The following RFTN2 variants were observed in gnomAD, a reference collection of about 807,000 sequenced individuals.
RFTN2 encodes the protein raftlin-2.
In RFTN2, 34 loss-of-function variants were observed where a neutral mutation model predicts 52.7. That is an observed-to-expected ratio of 0.64 (90% CI 0.49 to 0.86). The LOEUF (loss-of-function observed/expected upper bound fraction) is 0.86, where lower values mean the gene tolerates loss of function less well. Ranked by LOEUF, RFTN2 falls within the 40% of genes least tolerant of loss-of-function variation. The probability of loss-of-function intolerance (pLI) is 0.00; values close to 1 mark genes in which losing one functional copy is unlikely to be tolerated. For synonymous variants in RFTN2, 203 were observed against 217.7 expected, an observed-to-expected ratio of 0.93 and a Z score of 0.59; for missense variants, 536 against 600.1, an observed-to-expected ratio of 0.89 and a Z score of 1.12.
rs1386612259 is a variant in RFTN2 at position 197,569,574 on chromosome 2, TAACTC to T, written c.*2429_*2433del. Reference sequence around the variant, plus strand: ...TAATAAAAGTTATTTTAATAAGAAATAACTCAGATTAAAAATAAACGGGAGGGGAG... The same window carrying T: ...TAATAAAAGTTATTTTAATAAGAAATAGATTAAAAATAAACGGGAGGGGAG... On this transcript the variant is annotated 3_prime_UTR_variant, in exon 9 of 9. Transcript: ENST00000295049. 5 of 152,074 alleles carry T rather than the reference TAACTC, an allele frequency of 3.3e-5. No homozygotes were observed. The highest frequency in any genetic ancestry group is 2.1e-4 in the South Asian group (1 of 4,832). 9.4% of individuals were successfully genotyped at this position (152,074 alleles called of 1,614,324 possible). A position where few individuals can be genotyped will look rare whatever the true frequency, so the allele number is the denominator to read the frequency against.
At chr2:197,661,981 C>T (rs1333039458) in intron 1 of RFTN2, among the ~76,000 whole-genome samples, 5 of 152,066 alleles carry the variant, frequency 3.3e-5, no homozygotes, top group East Asian at 1.9e-4. Context: ...CACTTTTTAA[C>T]GTGATTTTTA....
intron 7 of RFTN2, among the ~76,000 whole-genome samples, chr2:197,602,634 G>A (rs181035042): frequency 1.2e-3 from 184 of 151,934 alleles, no homozygotes; most frequent in African/African-American, 4.3e-3. Flanking sequence ...TGTCTCCCAG[G>A]TTCAAGTGAT....
At chr2:197,626,822 G>A (rs897908933) in intron 5 of RFTN2, among the ~76,000 whole-genome samples, 14 of 151,668 alleles carry the variant, frequency 9.2e-5, no homozygotes, top group Non-Finnish European at 1.8e-4. Context: ...GTTTCACTAC[G>A]TTGGCCAGGC....
chr2:197,668,103 C>T (rs1441710300), intron 1 of RFTN2, among the ~76,000 whole-genome samples: 2 of 152,062 alleles, frequency 1.3e-5, no homozygotes, highest in Non-Finnish European at 1.5e-5. Flanking sequence ...AGTCTCTAGG[C>T]CTGCAGGTGG....
At chr2:197,579,343 T>G (rs1254777707) in intron 8 of RFTN2, among the ~76,000 whole-genome samples, 2 of 152,200 alleles carry the variant, frequency 1.3e-5, no homozygotes, top group African/African-American at 4.8e-5. Context: ...TCCTTCACTA[T>G]GGGCAACCTT....
chr2:197,613,229 G>T (rs2106207810), intron 7 of RFTN2, among the ~76,000 whole-genome samples: 1 of 152,280 alleles, frequency 6.6e-6, no homozygotes, highest in Middle Eastern at 3.4e-3. Context: ...TTCTGCTAAG[G>T]ATTGCGTCCC....
intron 1 of RFTN2, among the ~76,000 whole-genome samples, chr2:197,673,359 T>A (rs1210237439): frequency 6.6e-6 from 1 of 152,168 alleles, no homozygotes; most frequent in Non-Finnish European, 1.5e-5. Flanking sequence ...AGGGAAACTA[T>A]GACCTGGAAG....
At chr2:197,670,527 A>G (rs1319749074) in intron 1 of RFTN2, among the ~76,000 whole-genome samples, 3 of 152,144 alleles carry the variant, frequency 2.0e-5, no homozygotes, top group Non-Finnish European at 4.4e-5. Flanking sequence ...AAATTAAAAA[A>G]TAAGCCAGGC....
At chr2:197,618,986 C>T (rs1428666613) in intron 5 of RFTN2, among the ~76,000 whole-genome samples, 2 of 151,500 alleles carry the variant, frequency 1.3e-5, no homozygotes, top group African/African-American at 4.9e-5. Context: ...GGCCAGCCGC[C>T]CCATCCGGGA....
At chr2:197,659,662 A>G (rs2088949121) in intron 1 of RFTN2, among the ~76,000 whole-genome samples, 1 of 151,988 alleles carries the variant, frequency 6.6e-6, no homozygotes, top group Non-Finnish European at 1.5e-5. Context: ...TGCTAAACAT[A>G]CAAAATAAAC....
intron 8 of RFTN2, among the ~76,000 whole-genome samples, chr2:197,589,708 T>C (rs569039950): frequency 1.3e-5 from 2 of 152,316 alleles, no homozygotes; most frequent in Non-Finnish European, 2.9e-5. Flanking sequence ...TGGGTTCTTT[T>C]CTTACTCTTC....
chr2:197,590,685 T>C (rs2087692598), intron 8 of RFTN2, among the ~76,000 whole-genome samples: 1 of 152,126 alleles, frequency 6.6e-6, no homozygotes, highest in Non-Finnish European at 1.5e-5. Flanking sequence ...AGTTTCTTCC[T>C]TCTGGTGGGT....
At chr2:197,614,733 CT>C (rs1358337815) in intron 7 of RFTN2, among the ~76,000 whole-genome samples, 1 of 152,222 alleles carries the variant, frequency 6.6e-6, no homozygotes, top group East Asian at 1.9e-4. Context: ...AGCCACACCC[CT>C]GTCACACATC....
At chr2:197,603,599 G>T (rs1356158674) in intron 7 of RFTN2, among the ~76,000 whole-genome samples, 2 of 152,138 alleles carry the variant, frequency 1.3e-5, no homozygotes, top group East Asian at 3.9e-4. Flanking sequence ...TTACAGGTGT[G>T]AGCCACTGTG....
intron 1 of RFTN2, among the ~76,000 whole-genome samples, chr2:197,648,351 T>C (rs1430121366): frequency 6.6e-6 from 1 of 152,222 alleles, no homozygotes; most frequent in Non-Finnish European, 1.5e-5. Context: ...TAATATTTTA[T>C]TTACAATATA....
chr2:197,590,313 CTG>C (rs1290268629), intron 8 of RFTN2, among the ~76,000 whole-genome samples: 2 of 152,090 alleles, frequency 1.3e-5, no homozygotes, highest in Admixed American at 1.3e-4. Flanking sequence ...TTAGAGAAAA[CTG>C]AGGTAGTAAA....
chr2:197,577,911 T>C (rs2087445303), intron 8 of RFTN2, among the ~76,000 whole-genome samples: 1 of 152,124 alleles, frequency 6.6e-6, no homozygotes, highest in African/African-American at 2.4e-5. Context: ...GAGATGGGAT[T>C]TTGCCATGTT....
intron 7 of RFTN2, among the ~76,000 whole-genome samples, chr2:197,599,004 T>A (rs1436495218): frequency 6.6e-6 from 1 of 151,628 alleles, no homozygotes; most frequent in East Asian, 1.9e-4. Context: ...CAGGCTGGAG[T>A]GCAGTGGCAC....
At chr2:197,673,202 G>A (rs2089170596) in intron 1 of RFTN2, among the ~76,000 whole-genome samples, 1 of 152,174 alleles carries the variant, frequency 6.6e-6, no homozygotes, top group Non-Finnish European at 1.5e-5. Flanking sequence ...TGACAGGCAG[G>A]AGGTGCCACT....
Sources: gnomAD v4.1 joint callset for allele counts (sites outside exome capture counted in the v4.1 genomes callset) on GRCh38, gnomAD v4.1.1 for gene constraint, MANE v1.5 for transcripts, NCBI Gene and HGNC (gene_info 2026-07-23, HGNC 2026-07-21) for gene names.